The following BAZ2B variants were observed in gnomAD, a reference collection of about 807,000 sequenced individuals.
BAZ2B encodes bromodomain adjacent to zinc finger domain 2B, also known as bromodomain adjacent to zinc finger domain protein 2B.
BAZ2B carries 91 observed loss-of-function variants against 246.0 expected under a neutral mutation model. That is an observed-to-expected ratio of 0.37 (90% CI 0.31 to 0.44). The LOEUF (loss-of-function observed/expected upper bound fraction) is 0.44. BAZ2B is among the 20% of genes least tolerant of loss of function. BAZ2B has a pLI of 1.00. For synonymous variants in BAZ2B, 855 were observed against 860.0 expected (o/e 0.99, Z 0.10); for missense variants, 2,332 against 2,533.7 (o/e 0.92, Z 1.71).
intron 13 of BAZ2B, chr2:159,419,866 T>G (rs1576810180): frequency 1.3e-5 from 2 of 152,362 alleles, no homozygotes; most frequent in East Asian, 3.9e-4. Flanking sequence ...TGCCCACGGC[T>G]ATGTTGCATT....
chr2:159,592,055 G>C lies in BAZ2B; in HGVS notation c.-46+24187C>G, dbSNP rs572804897. Among the ~76,000 whole-genome samples, 22 of 152,052 alleles carry C rather than the reference G, an allele frequency of 1.4e-4. No individual in the cohort carries two copies. In the South Asian group the frequency reaches 4.6e-3, roughly 32 times the overall value. On this transcript the variant is annotated intron_variant, in intron 1 of 36. Transcript: ENST00000392783. Reference sequence around the variant, plus strand: ...GGATCTGTTGAGCCTGGGAGGTTGAGGCTGCAGTGAGTCATGGGTGCACCA... The same window carrying C: ...GGATCTGTTGAGCCTGGGAGGTTGACGCTGCAGTGAGTCATGGGTGCACCA...
chr2:159,384,460 C>A (rs1405188256), intron 23 of BAZ2B, among the ~76,000 whole-genome samples: 1 of 151,866 alleles, frequency 6.6e-6, no homozygotes, highest in Non-Finnish European at 1.5e-5. Flanking sequence ...AAATGCATGA[C>A]CCCGAATATT....
chr2:159,328,843 A>G (rs1332700327), intron 34 of BAZ2B, among the ~76,000 whole-genome samples: 1 of 152,316 alleles, frequency 6.6e-6, no homozygotes, highest in Admixed American at 6.5e-5. Context: ...AATATAAAAC[A>G]AAGGCCGGGC....
chr2:159,490,622 GC>G (rs749784447), intron 2 of BAZ2B, among the ~76,000 whole-genome samples: 2 of 152,166 alleles, frequency 1.3e-5, no homozygotes, highest in Non-Finnish European at 2.9e-5. Flanking sequence ...CCCTGCTCAA[GC>G]AGTCCTCCCA....
chr2:159,401,659 C>T (rs1405057519), intron 16 of BAZ2B, among the ~76,000 whole-genome samples: 7 of 151,868 alleles, frequency 4.6e-5, no homozygotes, highest in African/African-American at 1.2e-4. Flanking sequence ...TTGGGGTACA[C>T]GTTGTCTAAA....
At chr2:159,316,703 A>AAAAG (rs2062163972), downstream of BAZ2B, among the ~76,000 whole-genome samples, 3 of 149,578 alleles carry the variant, frequency 2.0e-5, no homozygotes, top group Non-Finnish European at 4.5e-5. Flanking sequence ...AAAAAAAAAA[A>AAAAG]AAAAAAAAAA....
At chr2:159,630,573 G>A in the BAZ2B span, among the ~76,000 whole-genome samples, 11 of 147,918 alleles carry the variant, frequency 7.4e-5, no homozygotes, top group African/African-American at 2.3e-4. Context: ...TCGCTCTGTC[G>A]CCCAGGCTGG....
chr2:159,446,551 T>C lies in BAZ2B; in HGVS notation c.696+231A>G, dbSNP rs139492322. 8.2e-3 allele frequency among the ~76,000 whole-genome samples: 1,244 copies of C among 152,310 alleles called. 5 individuals are homozygous for C. Among genetic ancestry groups the C allele is most frequent in the Non-Finnish European group, 0.013 (898 of 68,026 alleles). On this transcript the variant is annotated intron_variant, in intron 6 of 36. Coordinates refer to ENST00000392783, the MANE Select transcript of BAZ2B (RefSeq NM_013450.4). ...GGATACAGGGAAGAGTTAAAAGTTA[T>C]ATGAAAAGCAATTAGAGCAGAGCTG...
intron 1 of BAZ2B, among the ~76,000 whole-genome samples, chr2:159,609,675 G>C (rs562085174): frequency 1.3e-5 from 2 of 151,990 alleles, no homozygotes; most frequent in African/African-American, 2.4e-5. Flanking sequence ...TTCCTTCAAA[G>C]CTTCTTCATT....
chr2:159,414,589 G>A (rs2067346035), intron 13 of BAZ2B, among the ~76,000 whole-genome samples: 1 of 152,092 alleles, frequency 6.6e-6, no homozygotes, highest in Non-Finnish European at 1.5e-5. Flanking sequence ...GGCTGAGGCG[G>A]GTGGATCTCC....
intron 13 of BAZ2B, among the ~76,000 whole-genome samples, chr2:159,425,407 C>T (rs1048669797): frequency 6.6e-6 from 1 of 152,166 alleles, no homozygotes; most frequent in African/African-American, 2.4e-5. Context: ...TCTTGAACTC[C>T]GGAGCTCAAG....
At chr2:159,663,855 CTTTTTTTTT>C in the BAZ2B span, among the ~76,000 whole-genome samples, 5,442 of 92,506 alleles carry the variant, frequency 0.059, 86 homozygotes, top group Middle Eastern at 0.15. Context: ...AAACCATTTT[CTTTTTTTTT>C]TTTTTTTTTT....
intron 30 of BAZ2B, 54 bp from the exon 31 acceptor site, chr2:159,347,700 A>G: frequency 7.1e-7 from 1 of 1,413,062 alleles, no homozygotes; most frequent in Non-Finnish European, 9.6e-7. Context: ...TTTTCCCCAC[A>G]GAGACCTCTT....
chr2:159,463,119 G>T, intron 3 of BAZ2B: 1 of 671,952 alleles, frequency 1.5e-6, no homozygotes, highest in South Asian at 1.6e-5. Flanking sequence ...CCCTTTCCCT[G>T]AGGAGACTGT....
At chr2:159,584,208 A>G (rs1235585769) in intron 1 of BAZ2B, among the ~76,000 whole-genome samples, 1 of 151,424 alleles carries the variant, frequency 6.6e-6, no homozygotes, top group Non-Finnish European at 1.5e-5. Flanking sequence ...TGCATCCTCC[A>G]TGTCCCAGGT....
At chr2:159,324,333 T>C (rs1469008054) in intron 36 of BAZ2B, among the ~76,000 whole-genome samples, 1 of 152,230 alleles carries the variant, frequency 6.6e-6, no homozygotes, top group African/African-American at 2.4e-5. Context: ...ATTAAAGCTC[T>C]TAATATGTAA....
In BAZ2B at chr2:159,320,342, A is replaced by T. The variant is rs760254838; in HGVS notation, c.6430T>A (p.Ser2144Thr). Residue 2144 changes from serine to threonine, a missense_variant, in exon 37 of 37, where the codon TCT becomes ACT. By Grantham distance (58) the Ser-to-Thr change is moderately conservative. This residue lies in a region of BAZ2B where 210 missense variants were observed against 232.5 expected (regional missense o/e 0.90). Coordinates refer to ENST00000392783, the MANE Select transcript of BAZ2B (RefSeq NM_013450.4). Reference protein sequence around the residue: ...DNCETFNEDDSDIGRAGHNMR... With the variant: ...DNCETFNEDDTDIGRAGHNMR... ...TTGTGGCCAGCTCTGCCTATATCAG[A>T]ATCATCTTCATTAAATGTTTCACAG... 1.3e-6 allele frequency: 2 copies of T among 1,584,354 alleles called. No homozygotes were observed. Among genetic ancestry groups the T allele is most frequent in the South Asian group, 1.2e-5 (1 of 84,586 alleles).
chr2:159,387,025 A>G (rs2062728374), intron 21 of BAZ2B, among the ~76,000 whole-genome samples: 1 of 152,162 alleles, frequency 6.6e-6, no homozygotes, highest in African/African-American at 2.4e-5. Context: ...CATGTGCACC[A>G]ATTTCTTCTA....
intron 1 of BAZ2B, among the ~76,000 whole-genome samples, chr2:159,576,590 C>A (rs866082389): frequency 6.7e-6 from 1 of 150,030 alleles, no homozygotes; most frequent in East Asian, 1.9e-4. Flanking sequence ...AAATTGATAC[C>A]ACCACTCTGA....
Sources: allele counts gnomAD v4.1 joint callset (sites outside exome capture counted in the v4.1 genomes callset), GRCh38; gene constraint gnomAD v4.1.1; regional missense constraint gnomAD v4.1.1; transcripts MANE v1.5; gene names NCBI Gene and HGNC (gene_info 2026-07-23, HGNC 2026-07-21).